The following MRTFB variants were observed in gnomAD, a reference collection of about 807,000 sequenced individuals.
MRTFB encodes the protein myocardin related transcription factor B.
Under a neutral mutation model 104.2 loss-of-function variants are expected in MRTFB, and 29 were observed. That is an observed-to-expected ratio of 0.28 (90% CI 0.21 to 0.38). The LOEUF (loss-of-function observed/expected upper bound fraction) is 0.38. Among genes scored for constraint, MRTFB ranks in the 10% least tolerant of loss-of-function variants. MRTFB has a pLI of 1.00. For synonymous variants in MRTFB, 535 were observed against 519.5 expected (o/e 1.03, Z -0.41); for missense variants, 1,270 against 1,341.6 (o/e 0.95, Z 0.83).
the MRTFB span, among the ~76,000 whole-genome samples, chr16:14,001,727 A>C: frequency 6.6e-6 from 1 of 152,208 alleles, no homozygotes; most frequent in African/African-American, 2.4e-5. Context: ...GGCTCCGACA[A>C]CAACTCTCAT....
intron 3 of MRTFB, among the ~76,000 whole-genome samples, chr16:14,146,175 A>G (rs1257705444): frequency 6.6e-6 from 1 of 152,226 alleles, no homozygotes; most frequent in East Asian, 1.9e-4. Flanking sequence ...GGTGAGGAGC[A>G]GTCATGTTGA....
At chr16:14,174,168 C>G (rs766712448) in intron 3 of MRTFB, among the ~76,000 whole-genome samples, 2 of 152,094 alleles carry the variant, frequency 1.3e-5, no homozygotes, top group East Asian at 3.9e-4. Context: ...TCAATAAGAT[C>G]TCTTTATTGA....
At position 14,247,752 on chromosome 16, in the gene MRTFB, A is replaced by C. The variant is rs942902888; in HGVS notation, c.2247+245A>C. 83 of 504,628 alleles carry C rather than the reference A, an allele frequency of 1.6e-4. No homozygotes were observed. In the East Asian group the frequency reaches 2.4e-3, roughly 14 times the overall value. The allele number at this position is 504,628 out of a possible 1,614,324, so 31.3% of individuals were successfully genotyped here. On this transcript the variant is annotated intron_variant, in intron 12 of 16. Transcript: ENST00000571589. ...TTTTCCCTTGAATGAACACAGTATCATCCATGCAGACATTTTTTTACACAC... is the reference window on the plus strand; with the variant it reads ...TTTTCCCTTGAATGAACACAGTATCCTCCATGCAGACATTTTTTTACACAC...
chr16:14,050,102 T>C, the MRTFB span, among the ~76,000 whole-genome samples: 1 of 152,186 alleles, frequency 6.6e-6, no homozygotes, highest in Admixed American at 6.5e-5. Context: ...GTACATGTTG[T>C]ATGCATATGT....
chr16:14,217,057 G>T (rs374165978), intron 6 of MRTFB, 69 bp from the exon 7 acceptor site: 3 of 1,441,512 alleles, frequency 2.1e-6, no homozygotes, highest in Non-Finnish European at 1.9e-6. Flanking sequence ...CAGTTTGTTG[G>T]CCTGAAATAA....
At chr16:14,010,738 C>G in the MRTFB span, among the ~76,000 whole-genome samples, 2 of 152,228 alleles carry the variant, frequency 1.3e-5, no homozygotes, top group African/African-American at 4.8e-5. Flanking sequence ...CATTTCTGAC[C>G]TCTAGAGTTG....
intron 3 of MRTFB, among the ~76,000 whole-genome samples, chr16:14,193,463 C>T (rs1009694551): frequency 1.3e-5 from 2 of 152,152 alleles, no homozygotes; most frequent in Non-Finnish European, 2.9e-5. Flanking sequence ...CTTTCAGTTT[C>T]ACTTCAGATG....
At chr16:14,241,905 G>T (rs2042781363) in intron 10 of MRTFB, among the ~76,000 whole-genome samples, 1 of 151,482 alleles carries the variant, frequency 6.6e-6, no homozygotes, top group South Asian at 2.1e-4. Flanking sequence ...CTACTTTGCA[G>T]CTTTGTCCAG....
chr16:14,168,351 C>T (rs1189877936), intron 3 of MRTFB, among the ~76,000 whole-genome samples: 1 of 152,092 alleles, frequency 6.6e-6, no homozygotes, highest in African/African-American at 2.4e-5. Flanking sequence ...AGATACAGAG[C>T]ATTGCTATCA....
intron 3 of MRTFB, among the ~76,000 whole-genome samples, chr16:14,207,212 A>G (rs2040988016): frequency 6.6e-6 from 1 of 152,178 alleles, no homozygotes; most frequent in African/African-American, 2.4e-5. Context: ...AAAGTTTTAT[A>G]GGCAATGATG....
At chr16:14,159,390 A>AT (rs1378325682) in intron 3 of MRTFB, among the ~76,000 whole-genome samples, 1 of 152,106 alleles carries the variant, frequency 6.6e-6, no homozygotes. Context: ...TGTCCAAATA[A>AT]TTTTTTTACC....
At chr16:14,036,296 T>TTTTATATATATATATATATATA in the MRTFB span, among the ~76,000 whole-genome samples, 3 of 98,354 alleles carry the variant, frequency 3.1e-5, no homozygotes, top group Non-Finnish European at 6.0e-5. Flanking sequence ...TTATATATAT[T>TTTTATATATATATATATATATA]TATATATATA....
chr16:14,080,030 G>C (rs1181441336), intron 2 of MRTFB, among the ~76,000 whole-genome samples: 1 of 152,112 alleles, frequency 6.6e-6, no homozygotes, highest in Non-Finnish European at 1.5e-5. Flanking sequence ...TCATTTTACT[G>C]GCTGCCTAAT....
chr16:14,131,191 C>CTA (rs1301934473), intron 2 of MRTFB, among the ~76,000 whole-genome samples: 3 of 152,210 alleles, frequency 2.0e-5, no homozygotes, highest in African/African-American at 7.2e-5. Context: ...AACTGATACC[C>CTA]TATACTACAC....
At chr16:14,155,987 G>C (rs1010454530) in intron 3 of MRTFB, among the ~76,000 whole-genome samples, 1 of 152,090 alleles carries the variant, frequency 6.6e-6, no homozygotes, top group Non-Finnish European at 1.5e-5. Flanking sequence ...TCTCATCTCT[G>C]TCTCCTCAGT....
At chr16:14,144,240 C>T (rs2038173869) in intron 3 of MRTFB, 1 of 152,174 alleles carries the variant, frequency 6.6e-6, no homozygotes, top group African/African-American at 2.4e-5. Flanking sequence ...TGTGCAAAGA[C>T]TCCACTATGA....
chr16:14,189,623 A>T (rs751436931), intron 3 of MRTFB, among the ~76,000 whole-genome samples: 1 of 152,162 alleles, frequency 6.6e-6, no homozygotes, highest in Non-Finnish European at 1.5e-5. Context: ...GTGGTTTTCT[A>T]CTCATTTTTG....
chr16:14,237,500 C>G (rs1187131625), intron 9 of MRTFB, among the ~76,000 whole-genome samples: 1 of 152,148 alleles, frequency 6.6e-6, no homozygotes, highest in African/African-American at 2.4e-5. Context: ...GGAGTGGGCA[C>G]AAGAGAGCCT....
At chr16:14,200,736 G>C in intron 3 of MRTFB, 2 of 1,508,930 alleles carry the variant, frequency 1.3e-6, no homozygotes, top group Admixed American at 1.7e-5. Context: ...GGAATCTTTT[G>C]GTTGGGACTT....
Sources: allele counts gnomAD v4.1 joint callset (sites outside exome capture counted in the v4.1 genomes callset), GRCh38; gene constraint gnomAD v4.1.1; transcripts MANE v1.5; gene names NCBI Gene and HGNC (gene_info 2026-07-23, HGNC 2026-07-21).